The following CBR4 variants were observed in gnomAD, a reference collection of about 807,000 sequenced individuals.
CBR4 encodes carbonyl reductase 4.
In CBR4, 22 loss-of-function variants were observed where a neutral mutation model predicts 21.0. The observed-to-expected ratio is 1.05, with a 90% CI of 0.75 to 1.50. The LOEUF (loss-of-function observed/expected upper bound fraction) is 1.50. Among genes scored for constraint, CBR4 ranks in the 40% most tolerant of loss-of-function variants. The pLI is 0.00. For missense variants in CBR4, 302 were observed against 286.3 expected, an observed-to-expected ratio of 1.05 and a Z score of -0.40; for synonymous variants, 100 against 104.4, an observed-to-expected ratio of 0.96 and a Z score of 0.26.
At chr4:169,006,097 A>C (rs1730889820) in intron 3 of CBR4, among the ~76,000 whole-genome samples, 2 of 152,198 alleles carry the variant, frequency 1.3e-5, no homozygotes, top group Non-Finnish European at 2.9e-5. Context: ...TCCATTCTTA[A>C]AAACAGAGAA....
At chr4:168,939,218 G>A (rs1430705194) in intron 2 of CBR4, among the ~76,000 whole-genome samples, 1 of 152,156 alleles carries the variant, frequency 6.6e-6, no homozygotes, top group African/African-American at 2.4e-5. Flanking sequence ...CTCAACAGAT[G>A]CAGAAAAGGC....
intron 2 of CBR4, chr4:168,914,009 CTCA>C: frequency 6.3e-7 from 1 of 1,598,850 alleles, no homozygotes; most frequent in Non-Finnish European, 8.6e-7. Context: ...TCAGGCCATC[CTCA>C]TGTCAGAAGG....
intron 2 of CBR4, among the ~76,000 whole-genome samples, chr4:168,955,977 C>T (rs1264885052): frequency 1.3e-5 from 2 of 152,058 alleles, no homozygotes; most frequent in Non-Finnish European, 2.9e-5. Context: ...TTCTAACTGA[C>T]CCCTTAAGTA....
intron 2 of CBR4, chr4:168,904,283 G>A (rs911950984): frequency 9.3e-6 from 2 of 214,056 alleles, no homozygotes; most frequent in Non-Finnish European, 1.9e-5. Context: ...AAGAGTGAGT[G>A]GCATGCATAG....
intron 2 of CBR4, among the ~76,000 whole-genome samples, chr4:168,967,784 G>C (rs1037380903): frequency 2.0e-5 from 3 of 152,180 alleles, no homozygotes; most frequent in African/African-American, 4.8e-5. Context: ...ATGGTATTGA[G>C]AGAAATTCTA....
intron 4 of CBR4, among the ~76,000 whole-genome samples, chr4:168,994,513 T>C (rs1484155683): frequency 6.6e-6 from 1 of 152,222 alleles, no homozygotes; most frequent in Non-Finnish European, 1.5e-5. Flanking sequence ...TGACCATTTC[T>C]GTATCATAAA....
At position 168,988,912 on chromosome 4, in the gene CBR4, A is replaced by G. The variant is rs2126801366; in HGVS notation, c.*1238T>C. The G allele has an allele frequency of 1.0e-6, 1 of 982,604 alleles. No individual in the cohort carries two copies. The highest frequency in any genetic ancestry group is 4.7e-5 in the South Asian group (1 of 21,234). 60.9% of individuals were successfully genotyped at this position (982,604 alleles called of 1,614,324 possible). A position where few individuals can be genotyped will look rare whatever the true frequency, so the allele number is the denominator to read the frequency against. On this transcript the variant is annotated 3_prime_UTR_variant, in exon 5 of 5. Transcript: ENST00000306193. The stretch of plus-strand genomic sequence containing the variant: ...AAAATTAAATCTCTGCTTACACAAA[A>G]TAACTGTCAGCTCCAAATCAACATG...
chr4:168,965,708 C>T (rs952731985), intron 2 of CBR4, among the ~76,000 whole-genome samples: 1 of 152,172 alleles, frequency 6.6e-6, no homozygotes, highest in Non-Finnish European at 1.5e-5. Flanking sequence ...ATGTAGAAAG[C>T]TGAAACTGGA....
At chr4:168,909,183 C>T (rs541918862) in intron 2 of CBR4, among the ~76,000 whole-genome samples, 9 of 152,256 alleles carry the variant, frequency 5.9e-5, no homozygotes, top group Non-Finnish European at 1.2e-4. Context: ...CATCTAAACA[C>T]GAATGTTTTA....
At chr4:168,917,077 C>G (rs1279867784) in intron 2 of CBR4, among the ~76,000 whole-genome samples, 1 of 134,268 alleles carries the variant, frequency 7.4e-6, no homozygotes, top group Non-Finnish European at 1.6e-5. Context: ...GAGACGGAGT[C>G]TCCCTCTGTT....
intron 2 of CBR4, among the ~76,000 whole-genome samples, chr4:168,950,660 G>T (rs572952991): frequency 6.6e-6 from 1 of 152,314 alleles, no homozygotes; most frequent in East Asian, 1.9e-4. Context: ...CTTTCTTGAT[G>T]ACCTGTCTAG....
chr4:169,001,139 C>T (rs1321018396), intron 4 of CBR4: 1 of 151,652 alleles, frequency 6.6e-6, no homozygotes. Flanking sequence ...TGTGCACCAC[C>T]ACACCCAGCT....
In CBR4 at chr4:168,969,859, T is replaced by C. The variant is rs568159763; in HGVS notation, n.169+32212A>G. Among the ~76,000 whole-genome samples, 4 of 152,286 alleles carry C rather than the reference T, an allele frequency of 2.6e-5. No individual in the cohort carries two copies. The South Asian group carries it at 8.3e-4, about 32-fold the overall frequency. On this transcript the variant is annotated intron_variant and non_coding_transcript_variant, in intron 2 of 3. Coordinates refer to the CBR4 transcript ENST00000509108. ...ACTCCAAATCTACTAAATCAAATGATGCATTTAAAAAAAGATTCATAGGTA... is the reference window on the plus strand; with the variant it reads ...ACTCCAAATCTACTAAATCAAATGACGCATTTAAAAAAAGATTCATAGGTA...
intron 2 of CBR4, among the ~76,000 whole-genome samples, chr4:168,968,931 A>G (rs1183882944): frequency 6.6e-6 from 1 of 152,190 alleles, no homozygotes; most frequent in Non-Finnish European, 1.5e-5. Context: ...GTCCATGCTG[A>G]TTATGCATTC....
In CBR4 at chr4:168,915,967, C is replaced by A. The variant is rs370652817; in HGVS notation, n.170-21202G>T. 1.7e-5 allele frequency: 27 copies of A among 1,613,362 alleles called. No individual in the cohort carries two copies. Among genetic ancestry groups the A allele is most frequent in the Non-Finnish European group, 2.3e-5 (27 of 1,179,390 alleles). On this transcript the variant is annotated intron_variant and non_coding_transcript_variant, in intron 2 of 3. Coordinates refer to the CBR4 transcript ENST00000509108. ...AGGAGCGATTCTTCAGACCTCACTT[C>A]TTGCAGGCTCCTGGAGATCTGACTG...
chr4:168,949,467 A>C (rs1763480440), intron 2 of CBR4, among the ~76,000 whole-genome samples: 1 of 152,114 alleles, frequency 6.6e-6, no homozygotes, highest in South Asian at 2.1e-4. Context: ...AATGCTTTCA[A>C]CTTTTCCCTA....
At chr4:168,929,748 T>TG (rs1762912665) in intron 2 of CBR4, among the ~76,000 whole-genome samples, 1 of 152,136 alleles carries the variant, frequency 6.6e-6, no homozygotes, top group African/African-American at 2.4e-5. Flanking sequence ...ATTTGGAAAA[T>TG]GGAGATTAAA....
At chr4:168,977,695 A>G (rs1764413544) in intron 2 of CBR4, among the ~76,000 whole-genome samples, 2 of 152,198 alleles carry the variant, frequency 1.3e-5, no homozygotes, top group Admixed American at 1.3e-4. Flanking sequence ...AGCACCTGAA[A>G]TCAGCATGTT....
At chr4:168,966,794 G>A (rs550187509) in intron 2 of CBR4, among the ~76,000 whole-genome samples, 14 of 152,184 alleles carry the variant, frequency 9.2e-5, no homozygotes, top group East Asian at 3.9e-4. Flanking sequence ...CGAGGCGGGC[G>A]GATCACAAGG....
Sources: gnomAD v4.1 joint callset for allele counts (sites outside exome capture counted in the v4.1 genomes callset) on GRCh38, gnomAD v4.1.1 for gene constraint, MANE v1.5 for transcripts, NCBI Gene and HGNC (gene_info 2026-07-23, HGNC 2026-07-21) for gene names.